The following CAMTA1 variants were observed in gnomAD, a reference collection of about 807,000 sequenced individuals.
The protein encoded by CAMTA1 is calmodulin binding transcription activator 1.
In CAMTA1, 27 loss-of-function variants were observed where a neutral mutation model predicts 170.9. That is an observed-to-expected ratio of 0.16 (90% CI 0.12 to 0.22). The LOEUF is 0.22. Ranked by LOEUF, CAMTA1 falls within the 10% of genes least tolerant of loss-of-function variation. The pLI, the probability that CAMTA1 is intolerant of heterozygous loss-of-function variation, is 1.00. For missense variants in CAMTA1, 1,619 were observed against 2,217.2 expected (o/e 0.73, Z 5.42); for synonymous variants, 833 against 891.5 (o/e 0.93, Z 1.17).
Position 7,532,094 on chromosome 1 carries a change from A to T in CAMTA1, c.510+64193A>T, listed in dbSNP as rs1557872937. 6.6e-6 allele frequency among the ~76,000 whole-genome samples: 1 copy of T among 152,048 alleles called. No individual in the cohort carries two copies. The highest frequency in any genetic ancestry group is 1.5e-5 in the Non-Finnish European group (1 of 68,034). On this transcript the variant is annotated intron_variant, in intron 6 of 22. Coordinates refer to ENST00000303635, the MANE Select transcript of CAMTA1 (RefSeq NM_015215.4). This position sits in a 1 kb window ranked among gnomAD's most constrained non-coding sequence, Gnocchi z 4.2. ...GGCAGGGGCGGCGAATGAGTGACAG[A>T]AAAGGAGGCAGGTGACTCCAGCGGT...
intron 18 of CAMTA1, 102 bp downstream of exon 18, chr1:7,746,193 TC>T: frequency 7.2e-7 from 1 of 1,387,574 alleles, no homozygotes; most frequent in South Asian, 1.4e-5. Context: ...TTTCTTTTTT[TC>T]CTCTGAATTT....
intron 3 of CAMTA1, among the ~76,000 whole-genome samples, chr1:6,876,833 A>G (rs535655642): frequency 6.6e-6 from 1 of 152,332 alleles, no homozygotes; most frequent in East Asian, 1.9e-4. Context: ...AGATCGAGAA[A>G]TGGCAGGCTT....
At chr1:7,208,260 C>T (rs1440692294) in intron 4 of CAMTA1, among the ~76,000 whole-genome samples, 1 of 152,216 alleles carries the variant, frequency 6.6e-6, no homozygotes, top group Non-Finnish European at 1.5e-5. Context: ...TTGGTTTGTT[C>T]TTTGGTTTGT....
chr1:7,059,322 G>T (rs1247577550), intron 3 of CAMTA1, among the ~76,000 whole-genome samples: 1 of 152,186 alleles, frequency 6.6e-6, no homozygotes, highest in Non-Finnish European at 1.5e-5. Flanking sequence ...AGTTAGAGGA[G>T]TTTAAGAAAT....
intron 5 of CAMTA1, among the ~76,000 whole-genome samples, chr1:7,414,401 G>A (rs1164408563): frequency 2.6e-5 from 4 of 151,908 alleles, no homozygotes; most frequent in Non-Finnish European, 5.9e-5. Context: ...ACTCTTTTTG[G>A]TTGGTAAGCT....
At chr1:7,221,584 C>T (rs1038696465) in intron 4 of CAMTA1, among the ~76,000 whole-genome samples, 7 of 152,010 alleles carry the variant, frequency 4.6e-5, no homozygotes, top group Admixed American at 2.6e-4. Flanking sequence ...CCAGTGAATG[C>T]GTCGTGAAAC....
chr1:7,490,545 G>A (rs953596803), intron 6 of CAMTA1, among the ~76,000 whole-genome samples: 3 of 152,182 alleles, frequency 2.0e-5, no homozygotes, highest in Non-Finnish European at 4.4e-5. Context: ...CTAGCTACTC[G>A]GGAGGCTGAG....
chr1:7,434,732 C>T (rs1303825013), intron 5 of CAMTA1, among the ~76,000 whole-genome samples: 2 of 152,104 alleles, frequency 1.3e-5, no homozygotes, highest in Non-Finnish European at 2.9e-5. Context: ...GCTCTGTCCC[C>T]GAGTGGTGGA....
chr1:7,487,416 A>G (rs1277578015), intron 6 of CAMTA1, among the ~76,000 whole-genome samples: 1 of 152,220 alleles, frequency 6.6e-6, no homozygotes, highest in Non-Finnish European at 1.5e-5. Context: ...AAATGTTGAT[A>G]TTTTGTTCAT....
intron 5 of CAMTA1, among the ~76,000 whole-genome samples, chr1:7,336,828 C>A (rs549924768): frequency 6.6e-6 from 1 of 152,324 alleles, no homozygotes; most frequent in South Asian, 2.1e-4. Flanking sequence ...TCGGGGCCAG[C>A]AACAGGGAGA....
intron 5 of CAMTA1, among the ~76,000 whole-genome samples, chr1:7,420,671 G>A (rs61616835): frequency 0.039 from 5,890 of 152,178 alleles, 387 homozygotes; most frequent in African/African-American, 0.13. Flanking sequence ...AAATCCATGC[G>A]TATAACCTCC....
Position 7,040,654 on chromosome 1 carries a change from A to T in CAMTA1, c.235-50650A>T, listed in dbSNP as rs572091851. Among the ~76,000 whole-genome samples the T allele has an allele frequency of 5.1e-4, 78 of 151,576 alleles. 2 individuals carry two copies. In the South Asian group the frequency reaches 0.01, roughly 20 times the overall value. On this transcript the variant is annotated intron_variant, in intron 3 of 22. Coordinates refer to ENST00000303635, the MANE Select transcript of CAMTA1 (RefSeq NM_015215.4). ...TCACCTTGACATGTGCAAGGTCATG[A>T]CCACAGCCAGGTACAATACAGAATA...
At chr1:6,864,524 C>CTCG (rs1369612798) in intron 3 of CAMTA1, among the ~76,000 whole-genome samples, 2 of 152,176 alleles carry the variant, frequency 1.3e-5, no homozygotes, top group African/African-American at 4.8e-5. Context: ...CCTGCTTAAG[C>CTCG]TCGTCTCTTG....
intron 5 of CAMTA1, among the ~76,000 whole-genome samples, chr1:7,430,983 T>C (rs35274787): frequency 6.6e-6 from 1 of 152,264 alleles, no homozygotes; most frequent in Non-Finnish European, 1.5e-5. Flanking sequence ...CTCTGTATTG[T>C]GGAGATATTT....
chr1:6,856,944 A>T (rs141527451), intron 3 of CAMTA1, among the ~76,000 whole-genome samples: 5 of 152,166 alleles, frequency 3.3e-5, no homozygotes, highest in South Asian at 2.1e-4. Flanking sequence ...GGAGGTAGAG[A>T]GTGGCAGGAG....
intron 5 of CAMTA1, among the ~76,000 whole-genome samples, chr1:7,439,019 C>T (rs1405287616): frequency 6.6e-6 from 1 of 152,190 alleles, no homozygotes; most frequent in Non-Finnish European, 1.5e-5. Context: ...AGGGCTCGTG[C>T]TGGCTCTGAG....
intron 6 of CAMTA1, among the ~76,000 whole-genome samples, chr1:7,558,292 A>G (rs2094908051): frequency 6.6e-6 from 1 of 152,100 alleles, no homozygotes; most frequent in Non-Finnish European, 1.5e-5. Flanking sequence ...TTCAATACCA[A>G]CATGCTGCGG....
intron 11 of CAMTA1, among the ~76,000 whole-genome samples, chr1:7,716,876 T>A (rs575472459): frequency 1.1e-3 from 173 of 152,332 alleles, no homozygotes; most frequent in Middle Eastern, 3.4e-3. Flanking sequence ...ACCCTGAGTG[T>A]CCATCTGTGG....
chr1:7,209,250 C>T (rs946149846), intron 4 of CAMTA1, among the ~76,000 whole-genome samples: 1 of 152,148 alleles, frequency 6.6e-6, no homozygotes, highest in Non-Finnish European at 1.5e-5. Context: ...TGTCTCCATG[C>T]CAATTACTGT....
Sources: gnomAD v4.1 joint callset for allele counts (sites outside exome capture counted in the v4.1 genomes callset) on GRCh38, gnomAD v4.1.1 for gene constraint, Gnocchi (gnomAD v3.1) non-coding constraint, MANE v1.5 for transcripts, NCBI Gene and HGNC (gene_info 2026-07-23, HGNC 2026-07-21) for gene names.